Variants in NEK9 observed in about 807,000 individuals in gnomAD.
The protein encoded by NEK9 is serine/threonine-protein kinase Nek9.
In NEK9, 75 loss-of-function variants were observed where a neutral mutation model predicts 123.4. That is an observed-to-expected ratio of 0.61 (90% confidence interval 0.50 to 0.74). The LOEUF is 0.74. Among genes scored for constraint, NEK9 ranks in the 30% least tolerant of loss-of-function variants. The pLI is 0.00. For synonymous variants in NEK9, 438 were observed against 458.7 expected, an observed-to-expected ratio of 0.95 and a Z score of 0.58; for missense variants, 952 against 1,214.4, an observed-to-expected ratio of 0.78 and a Z score of 3.21.
intron 8 of NEK9, among the ~76,000 whole-genome samples, chr14:75,112,250 T>A (rs1278547457): frequency 1.3e-5 from 2 of 152,132 alleles, no homozygotes; most frequent in Non-Finnish European, 2.9e-5. Context: ...AACAAAAAAC[T>A]GGTAGTGGAG....
chr14:75,093,905 T>C (rs1894297795), intron 18 of NEK9, among the ~76,000 whole-genome samples: 1 of 152,230 alleles, frequency 6.6e-6, no homozygotes, highest in South Asian at 2.1e-4. Context: ...TACTGAGCAT[T>C]TACCATTTGC....
chr14:75,098,037 G>A (rs569610411), intron 16 of NEK9, among the ~76,000 whole-genome samples: 6 of 152,348 alleles, frequency 3.9e-5, no homozygotes, highest in Admixed American at 3.3e-4. Flanking sequence ...GTTTTGAGCA[G>A]TAGTTATTTA....
intron 18 of NEK9, 116 bp from the exon 19 acceptor site, chr14:75,091,594 C>G (rs1358184019): frequency 4.9e-6 from 4 of 813,104 alleles, no homozygotes; most frequent in Non-Finnish European, 5.3e-6. Context: ...AGTGCAATGG[C>G]AACAGTGCAA....
intron 11 of NEK9, among the ~76,000 whole-genome samples, 177 bp downstream of exon 11, chr14:75,107,166 C>T (rs910776970): frequency 6.6e-6 from 1 of 152,046 alleles, no homozygotes; most frequent in African/African-American, 2.4e-5. Context: ...TCCTTGCTCA[C>T]CACCCCCTAA....
Position 75,097,030 on chromosome 14 carries a change from C to G in NEK9, c.2173+70G>C, listed in dbSNP as rs548187780. 1.1e-5 allele frequency: 15 copies of G among 1,422,418 alleles called. No individual in the cohort carries two copies. In the African/African-American group the frequency reaches 2.1e-4, roughly 20 times the overall value. 88.1% of individuals were successfully genotyped at this position (1,422,418 alleles called of 1,614,324 possible). ...GACATTTCTGTTTCCAACAATGTGA[C>G]TAACAGTACTCAGATGTGGGTCCAT... On this transcript the variant is annotated intron_variant, in intron 17 of 21. Transcript: ENST00000238616.
rs1893839953 is a variant in NEK9 at position 75,080,530 on chromosome 14, TA to T, written c.*4033del. ...TTATCCAAGAAATGTTTAGTGCAAG[TA>T]AACATTATAAAGTTCATAAGGTTAC... On this transcript the variant is annotated 3_prime_UTR_variant, in exon 22 of 22. Coordinates refer to ENST00000238616, the MANE Select transcript of NEK9 (RefSeq NM_033116.6). 6.6e-6 allele frequency: 1 copy of T among 152,024 alleles called. No homozygotes were observed. Among genetic ancestry groups the T allele is most frequent in the African/African-American group, 2.4e-5 (1 of 41,386 alleles). The allele number at this position is 152,024 out of a possible 1,614,324, so 9.4% of individuals were successfully genotyped here.
chr14:75,104,476 T>C (rs1193739564), intron 13 of NEK9, among the ~76,000 whole-genome samples: 1 of 136,000 alleles, frequency 7.4e-6, no homozygotes, highest in African/African-American at 2.6e-5. Flanking sequence ...GAGACTACTA[T>C]TTTCTTTTCT....
chr14:75,086,808 A>T, intron 21 of NEK9: 1 of 509,938 alleles, frequency 2.0e-6, no homozygotes, highest in Non-Finnish European at 3.6e-6. Flanking sequence ...CGGGAGGCTG[A>T]GGCAGGAGAA....
chr14:75,096,838 A>AC (rs386364190), intron 17 of NEK9: 20 of 324,836 alleles, frequency 6.2e-5, no homozygotes, highest in Middle Eastern at 7.6e-4. Context: ...ACAAAAAAAA[A>AC]CAACCAAAAA....
chr14:75,107,518 T>C, intron 10 of NEK9, 31 bp from the exon 11 acceptor site: 1 of 1,536,114 alleles, frequency 6.5e-7, no homozygotes. Flanking sequence ...ATGACTTTTT[T>C]TTTTAATTAC....
At chr14:75,092,280 T>C (rs1248589482) in intron 18 of NEK9, among the ~76,000 whole-genome samples, 1 of 125,218 alleles carries the variant, frequency 8.0e-6, no homozygotes, top group Non-Finnish European at 1.7e-5. Flanking sequence ...CAATTTTTTT[T>C]TTTTGAGGCA....
chr14:75,086,992 T>C (rs1894045907), intron 21 of NEK9, 26 bp downstream of exon 21: 3 of 1,594,870 alleles, frequency 1.9e-6, no homozygotes, highest in Non-Finnish European at 1.7e-6. Context: ...GGCTTAGAAA[T>C]TGGATTATTC....
intron 16 of NEK9, among the ~76,000 whole-genome samples, chr14:75,100,690 A>G (rs149393205): frequency 6.6e-6 from 1 of 152,374 alleles, no homozygotes; most frequent in Non-Finnish European, 1.5e-5. Flanking sequence ...GGCAAGTTAT[A>G]TAGAAGTACT....
chr14:75,085,916 C>T (rs1224479718), intron 21 of NEK9, among the ~76,000 whole-genome samples: 1 of 151,538 alleles, frequency 6.6e-6, no homozygotes, highest in African/African-American at 2.4e-5. Context: ...TAAGGCCTGG[C>T]GCAGTGGCTC....
chr14:75,104,006 A>T lies in NEK9; in HGVS notation c.1576-9T>A. Reference sequence around the variant, plus strand: ...GCCTTGGGAACATCCACCTGCAAGAAAAAAATCAGAAAAAGAAATCCCAAA... The same window carrying T: ...GCCTTGGGAACATCCACCTGCAAGATAAAAATCAGAAAAAGAAATCCCAAA... On this transcript the variant is annotated splice_polypyrimidine_tract_variant and intron_variant, in intron 13 of 21. Transcript: ENST00000238616. 3 of 1,596,692 alleles carry T rather than the reference A, an allele frequency of 1.9e-6. No homozygotes were observed. In the South Asian group the frequency reaches 3.4e-5, roughly 18 times the overall value.
chr14:75,082,993 A>G lies in NEK9; in HGVS notation c.*1571T>C, dbSNP rs1893911481. On this transcript the variant is annotated 3_prime_UTR_variant, in exon 22 of 22. Coordinates refer to ENST00000238616, the MANE Select transcript of NEK9 (RefSeq NM_033116.6). ...CAATGGGAACATCAAACCAAAGAAG[A>G]TCCCATTGAACAGAGTTGCCTGTCC... 1 of 398,518 alleles carries G rather than the reference A, an allele frequency of 2.5e-6. No individual in the cohort carries two copies. Among genetic ancestry groups the G allele is most frequent in the Non-Finnish European group, 4.4e-6 (1 of 226,076 alleles). 24.7% of individuals were successfully genotyped at this position (398,518 alleles called of 1,614,324 possible). A position where few individuals can be genotyped will look rare whatever the true frequency, so the allele number is the denominator to read the frequency against.
rs113633649 is a variant in NEK9 at position 75,080,106 on chromosome 14, C to T, written c.*4458G>A. ...CAGCACTTTGGGAGGCCGAGGTGGG[C>T]GGATCACAAAGTCAAGAGATCGAGA... On this transcript the variant is annotated 3_prime_UTR_variant, in exon 22 of 22. Transcript: ENST00000238616. 5,182 of 152,030 alleles carry T rather than the reference C, an allele frequency of 0.034. 118 individuals carry two copies. The highest frequency in any genetic ancestry group is 0.05 in the South Asian group (240 of 4,816). The allele number at this position is 152,030 out of a possible 1,614,324, so 9.4% of individuals were successfully genotyped here.
intron 21 of NEK9, 184 bp downstream of exon 21, chr14:75,086,834 A>G: frequency 5.2e-6 from 3 of 576,220 alleles, no homozygotes; most frequent in Non-Finnish European, 9.3e-6. Context: ...TGAATCCGGG[A>G]GGCGGAGGTT....
chr14:75,086,469 A>G (rs1380770499), intron 21 of NEK9: 1 of 154,172 alleles, frequency 6.5e-6, no homozygotes, highest in Non-Finnish European at 1.4e-5. Flanking sequence ...GAGAATGTCT[A>G]TTTTCAGAGG....
Sources: allele counts gnomAD v4.1 joint callset (sites outside exome capture counted in the v4.1 genomes callset), GRCh38; gene constraint gnomAD v4.1.1; transcripts MANE v1.5; gene names NCBI Gene and HGNC (gene_info 2026-07-23, HGNC 2026-07-21).